CCDC69: variants seen among roughly 807,000 people sequenced by gnomAD.
The protein encoded by CCDC69 is coiled-coil domain containing 69, also known as coiled-coil domain-containing protein 69.
In CCDC69, 38 loss-of-function variants were observed where a neutral mutation model predicts 40.3. That is an observed-to-expected ratio of 0.94 (90% CI 0.73 to 1.24). The LOEUF (loss-of-function observed/expected upper bound fraction) is 1.24. Ranked by LOEUF, CCDC69 falls within the 50% of genes most tolerant of loss-of-function variation. CCDC69 has a pLI of 0.00. For missense variants in CCDC69, 389 were observed against 357.9 expected, an observed-to-expected ratio of 1.09 and a Z score of -0.70; for synonymous variants, 141 against 138.9, an observed-to-expected ratio of 1.02 and a Z score of -0.11.
At position 151,222,002 on chromosome 5, in the gene CCDC69, G is replaced by A. The variant is rs568776591; in HGVS notation, c.48+1921C>T. ...GGGGCAGGGGCCTGGCATGGCTGGG[G>A]CCAAGAAGGCATGCCAGGCTGTTCT... On this transcript the variant is annotated intron_variant, in intron 1 of 8. Transcript: ENST00000355417. Among the ~76,000 whole-genome samples, 6 of 152,370 alleles carry A rather than the reference G, an allele frequency of 3.9e-5. No homozygotes were observed. The South Asian group carries it at 1.0e-3, about 26-fold the overall frequency.
chr5:151,214,173 G>A (rs1705624093), intron 1 of CCDC69, among the ~76,000 whole-genome samples: 1 of 152,194 alleles, frequency 6.6e-6, no homozygotes, highest in African/African-American at 2.4e-5. Flanking sequence ...AGCCTGTAGG[G>A]GAGAGGTGAT....
intron 1 of CCDC69, among the ~76,000 whole-genome samples, chr5:151,220,792 AC>A (rs35813833): frequency 0.39 from 58,533 of 150,802 alleles, 11,468 homozygotes; most frequent in East Asian, 0.56. Context: ...ACCAGTCCCC[AC>A]CCCCCCTCCG....
chr5:151,214,936 C>T (rs1753015509), intron 1 of CCDC69, among the ~76,000 whole-genome samples: 1 of 152,334 alleles, frequency 6.6e-6, no homozygotes, highest in East Asian at 1.9e-4. Flanking sequence ...CTTTCTAATA[C>T]ACCTTATTTA....
intron 1 of CCDC69, 101 bp downstream of exon 1, chr5:151,223,822 G>C (rs911195979): frequency 1.6e-6 from 2 of 1,218,220 alleles, no homozygotes; most frequent in Non-Finnish European, 2.3e-6. Context: ...CCGGTATCCC[G>C]GGCCGACCAG....
intron 2 of CCDC69, among the ~76,000 whole-genome samples, chr5:151,203,875 C>T (rs1189648317): frequency 3.0e-5 from 4 of 131,562 alleles, no homozygotes; most frequent in Non-Finnish European, 6.3e-5. Flanking sequence ...AAATATATAT[C>T]GTATATATAG....
chr5:151,220,481 C>T (rs773763929), intron 1 of CCDC69, among the ~76,000 whole-genome samples: 9 of 152,208 alleles, frequency 5.9e-5, no homozygotes, highest in Non-Finnish European at 1.3e-4. Flanking sequence ...GTTAGCCATG[C>T]CCTTGTTGTC....
chr5:151,217,101 C>T (rs557727140), intron 1 of CCDC69, among the ~76,000 whole-genome samples: 9 of 152,208 alleles, frequency 5.9e-5, no homozygotes, highest in Admixed American at 2.6e-4. Context: ...GATAAATACT[C>T]GAGGTGATGA....
intron 1 of CCDC69, among the ~76,000 whole-genome samples, chr5:151,223,060 T>C (rs1753157653): frequency 6.6e-6 from 1 of 152,098 alleles, no homozygotes; most frequent in African/African-American, 2.4e-5. Flanking sequence ...CAGGTAGTGG[T>C]AAGAAAAGGG....
At chr5:151,223,454 T>C (rs973206388) in intron 1 of CCDC69, among the ~76,000 whole-genome samples, 1 of 152,234 alleles carries the variant, frequency 6.6e-6, no homozygotes, top group East Asian at 1.9e-4. Context: ...GGCCTGAGCC[T>C]GAGATTCTGC....
At position 151,209,664 on chromosome 5, in the gene CCDC69, C is replaced by T. The variant is rs1752901538; in HGVS notation, c.49-4189G>A. ...GTGTGATCAGGGCTCACTGCAACCTCCGCCTCCCAGGCTCAAGCAATTCTC... is the reference window on the plus strand; with the variant it reads ...GTGTGATCAGGGCTCACTGCAACCTTCGCCTCCCAGGCTCAAGCAATTCTC... On this transcript the variant is annotated intron_variant, in intron 1 of 8. Transcript: ENST00000355417. Among the ~76,000 whole-genome samples, 5 of 152,076 alleles carry T rather than the reference C, an allele frequency of 3.3e-5. No homozygotes were observed. The South Asian group carries it at 1.0e-3, about 32-fold the overall frequency.
At chr5:151,203,836 A>ATATAT in intron 2 of CCDC69, among the ~76,000 whole-genome samples, 2 of 112,454 alleles carry the variant, frequency 1.8e-5, no homozygotes, top group African/African-American at 1.0e-4. Flanking sequence ...TATATATATA[A>ATATAT]AATATATATC....
At chr5:151,218,536 T>C (rs1753085482) in intron 1 of CCDC69, among the ~76,000 whole-genome samples, 2 of 152,220 alleles carry the variant, frequency 1.3e-5, no homozygotes, top group Admixed American at 6.5e-5. Flanking sequence ...TGAACATTCA[T>C]GAATTTCATA....
chr5:151,217,151 C>A (rs962074176), intron 1 of CCDC69, among the ~76,000 whole-genome samples: 2 of 152,176 alleles, frequency 1.3e-5, no homozygotes, highest in African/African-American at 4.8e-5. Flanking sequence ...ACAGTCTATG[C>A]ACCTAACAAA....
chr5:151,196,512 T>C (rs1052213224), intron 4 of CCDC69, among the ~76,000 whole-genome samples: 1 of 152,032 alleles, frequency 6.6e-6, no homozygotes, highest in African/African-American at 2.4e-5. Context: ...CGAATACTCA[T>C]GATGAAAGGA....
rs570099629 is a variant in CCDC69, at chr5:151,183,333, C to T, written c.*104G>A. The stretch of plus-strand genomic sequence containing the variant: ...AGGATCTCCATCTCGCTCCCACCCT[C>T]GTTCCTTCCTGGAAAAGAACTGAGA... On this transcript the variant is annotated 3_prime_UTR_variant, in exon 9 of 9. Transcript: ENST00000355417. 42 of 1,319,626 alleles carry T rather than the reference C, an allele frequency of 3.2e-5. No individual in the cohort carries two copies. The highest frequency in any genetic ancestry group is 5.1e-5 in the South Asian group (4 of 78,884). The allele number at this position is 1,319,626 out of a possible 1,614,324, so 81.7% of individuals were successfully genotyped here. A position where few individuals can be genotyped will look rare whatever the true frequency, so the allele number is the denominator to read the frequency against.
Position 151,185,433 on chromosome 5 carries a change from T to A in CCDC69, c.604A>T (p.Met202Leu), listed in dbSNP as rs1752487973. The change falls in exon 7 of 9, where the codon ATG becomes TTG. Residue 202 changes from methionine to leucine, a missense_variant. Transcript: ENST00000355417. ...IHELDRRLIL[M>L]ETVKEKNLIL... Reference sequence around the variant, plus strand: ...TCCCAGTCACAGACCACTGTTTCCATGAGGATCAGCCGCCTGTCCAGCTCA... The same window carrying A: ...TCCCAGTCACAGACCACTGTTTCCAAGAGGATCAGCCGCCTGTCCAGCTCA... 1 of 1,613,984 alleles carries A rather than the reference T, an allele frequency of 6.2e-7. No individual in the cohort carries two copies. Among genetic ancestry groups the A allele is most frequent in the Non-Finnish European group, 8.5e-7 (1 of 1,179,884 alleles).
intron 4 of CCDC69, among the ~76,000 whole-genome samples, chr5:151,189,411 G>A (rs1752573683): frequency 6.6e-6 from 1 of 151,786 alleles, no homozygotes; most frequent in African/African-American, 2.4e-5. Context: ...TGAACTTCAA[G>A]ATAGATCAAT....
intron 1 of CCDC69, among the ~76,000 whole-genome samples, chr5:151,218,269 C>T (rs1349101400): frequency 6.6e-6 from 1 of 152,222 alleles, no homozygotes; most frequent in East Asian, 1.9e-4. Flanking sequence ...CTCCTTTTCT[C>T]TGCCAAGGTG....
intron 1 of CCDC69, among the ~76,000 whole-genome samples, chr5:151,221,941 C>T (rs550458210): frequency 2.0e-5 from 3 of 152,366 alleles, no homozygotes; most frequent in South Asian, 2.1e-4. Flanking sequence ...GGGATGAGAA[C>T]TTTAAACAAA....
Sources: allele counts gnomAD v4.1 joint callset (sites outside exome capture counted in the v4.1 genomes callset), GRCh38; gene constraint gnomAD v4.1.1; transcripts MANE v1.5; gene names NCBI Gene and HGNC (gene_info 2026-07-23, HGNC 2026-07-21).